Variants in DNAH3 observed in about 807,000 individuals in gnomAD.
DNAH3 encodes the protein axonemal beta dynein heavy chain 3.
In DNAH3, 332 loss-of-function variants were observed where a neutral mutation model predicts 432.5. That is an observed-to-expected ratio of 0.77 (90% CI 0.70 to 0.84). The LOEUF (loss-of-function observed/expected upper bound fraction) is 0.84, where lower values mean the gene tolerates loss of function less well. Ranked by LOEUF, DNAH3 falls within the 40% of genes least tolerant of loss-of-function variation. DNAH3 has a pLI of 0.00. For synonymous variants in DNAH3, 1,956 were observed against 1,900.2 expected (o/e 1.03, Z -0.76); for missense variants, 4,861 against 5,114.0 (o/e 0.95, Z 1.51).
chr16:21,153,707 C>T (rs1023260864), intron 1 of DNAH3, among the ~76,000 whole-genome samples: 9 of 152,226 alleles, frequency 5.9e-5, no homozygotes, highest in Non-Finnish European at 1.3e-4. Flanking sequence ...ACTCCGAACA[C>T]ATCCGAGCAT....
At chr16:21,021,784 T>C (rs1685938983) in intron 40 of DNAH3, among the ~76,000 whole-genome samples, 187 bp downstream of exon 40, 1 of 151,866 alleles carries the variant, frequency 6.6e-6, no homozygotes, top group African/African-American at 2.4e-5. Flanking sequence ...CGTAACTTAA[T>C]CCCAGCTACT....
intron 38 of DNAH3, among the ~76,000 whole-genome samples, chr16:21,026,048 C>T (rs183588623): frequency 4.9e-4 from 74 of 152,120 alleles, no homozygotes; most frequent in Admixed American, 3.2e-3. Flanking sequence ...ACCAATAACT[C>T]GATTAACAGG....
At chr16:21,067,373 G>A in exon 24 of DNAH3, 1 of 1,613,920 alleles carries the variant, frequency 6.2e-7, no homozygotes. Flanking sequence ...AAGCTTCTCT[G>A]CCATCCGTGG....
At chr16:20,984,401 T>C (rs2086084871) in intron 48 of DNAH3, among the ~76,000 whole-genome samples, 1 of 151,952 alleles carries the variant, frequency 6.6e-6, no homozygotes, top group Non-Finnish European at 1.5e-5. Context: ...AGAGTGGATA[T>C]GAGACAGCTG....
At chr16:21,013,719 C>CAAAAAAAAAAAAAAAAAAAAACAAAAAA (rs2087724142) in intron 41 of DNAH3, among the ~76,000 whole-genome samples, 2 of 47,418 alleles carry the variant, frequency 4.2e-5, no homozygotes, top group Non-Finnish European at 8.1e-5. Flanking sequence ...AACTCCATCT[C>CAAAAAAAAAAAAAAAAAAAAACAAAAAA]AAAAAAAAAA....
intron 41 of DNAH3, among the ~76,000 whole-genome samples, chr16:21,005,527 C>T (rs372454112): frequency 1.1e-4 from 17 of 152,130 alleles, no homozygotes; most frequent in South Asian, 4.2e-4. Flanking sequence ...CACAGGCACA[C>T]GCCACCGCAC....
intron 8 of DNAH3, among the ~76,000 whole-genome samples, chr16:21,126,561 C>T (rs116220528): frequency 2.5e-3 from 387 of 152,224 alleles, no homozygotes; most frequent in African/African-American, 7.4e-3. Context: ...ATCTTGAGGC[C>T]GTTTATCTGG....
chr16:21,050,858 G>A (rs898265610), intron 29 of DNAH3, among the ~76,000 whole-genome samples: 1 of 152,184 alleles, frequency 6.6e-6, no homozygotes, highest in African/African-American at 2.4e-5. Flanking sequence ...AATGAATGAT[G>A]TAATAACTGT....
chr16:20,946,086 AG>A (rs2084032500), intron 57 of DNAH3, among the ~76,000 whole-genome samples: 1 of 152,216 alleles, frequency 6.6e-6, no homozygotes, highest in Admixed American at 6.5e-5. Context: ...AGCCTGGTTC[AG>A]GCCATGACGG....
rs755226514 is a variant in DNAH3 at position 21,033,976 on chromosome 16, G to A, written c.5195C>T (p.Ala1732Val). The change falls in exon 36 of 62, where the codon GCA (alanine) becomes GTA (valine). Residue 1732 changes from alanine to valine, a missense_variant and splice_region_variant. Ala to Val is a moderately conservative substitution (Grantham distance 64). Coordinates refer to ENST00000261383, the Ensembl canonical transcript of DNAH3. Reference sequence around the variant, plus strand: ...GAAGCCAGGGATGTGAGCTTTACCTGCGTGTAAATCGCCGAGAGCTGCAGC... The same window carrying A: ...GAAGCCAGGGATGTGAGCTTTACCTACGTGTAAATCGCCGAGAGCTGCAGC... The A allele has an allele frequency of 2.4e-5, 39 of 1,612,354 alleles. 2 individuals are homozygous for A. The South Asian group carries it at 4.3e-4, about 18-fold the overall frequency.
At chr16:20,984,029 G>GAAAAAAAAAAAAAAAAAAAAAAAAAAA in intron 48 of DNAH3, among the ~76,000 whole-genome samples, 1 of 112,140 alleles carries the variant, frequency 8.9e-6, no homozygotes, top group African/African-American at 3.5e-5. Flanking sequence ...CCTATATCCA[G>GAAAAAAAAAAAAAAAAAAAAAAAAAAA]AAAAAAAAAA....
intron 37 of DNAH3, among the ~76,000 whole-genome samples, chr16:21,028,392 G>A (rs940083565): frequency 1.1e-4 from 16 of 151,534 alleles, no homozygotes; most frequent in South Asian, 4.2e-4. Context: ...ACAGTGGCTC[G>A]TGCCTGTGAT....
intron 23 of DNAH3, among the ~76,000 whole-genome samples, chr16:21,068,335 G>A (rs1427774297): frequency 8.9e-6 from 1 of 112,798 alleles, no homozygotes. Context: ...TGGGGGGGGG[G>A]ACAGAGTCTC....
In DNAH3 at chr16:21,100,350, G is replaced by T. The variant is rs189746833; in HGVS notation, c.2367-1581C>A. On this transcript the variant is annotated intron_variant, in intron 16 of 61. Transcript: ENST00000261383. ...GCCTCCCAAAGTGCTGGGATTACAA[G>T]CATGAGCCACATATTCCGGCCTCCA... is the stretch of plus-strand genomic sequence containing the variant. Among the ~76,000 whole-genome samples, 3 of 152,290 alleles carry T rather than the reference G, an allele frequency of 2.0e-5. No individual in the cohort carries two copies. The East Asian group carries it at 5.8e-4, about 29-fold the overall frequency.
At chr16:21,140,619 G>C in exon 5 of DNAH3, 1 of 1,614,034 alleles carries the variant, frequency 6.2e-7, no homozygotes. Context: ...TGCTGTTCTG[G>C]ACTCATTGGT....
At chr16:20,963,365 C>A (rs559479506) in exon 53 of DNAH3, 2 of 1,614,006 alleles carry the variant, frequency 1.2e-6, no homozygotes, top group Non-Finnish European at 1.7e-6. Context: ...CCCTGGAGAT[C>A]GAACGTAGGG....
chr16:21,008,409 C>T (rs2087422945), intron 41 of DNAH3, among the ~76,000 whole-genome samples: 4 of 152,088 alleles, frequency 2.6e-5, no homozygotes, highest in Non-Finnish European at 5.9e-5. Context: ...GCTCAGTTAC[C>T]CTTGCTGGAA....
intron 42 of DNAH3, among the ~76,000 whole-genome samples, chr16:21,002,017 G>T (rs1205541693): frequency 6.6e-6 from 1 of 152,140 alleles, no homozygotes; most frequent in Non-Finnish European, 1.5e-5. Context: ...TAGGACCTCA[G>T]TGCTGGGGGT....
At chr16:21,063,050 G>A (rs748970084) in intron 24 of DNAH3, 1 of 183,068 alleles carries the variant, frequency 5.5e-6, no homozygotes, top group Non-Finnish European at 1.1e-5. Context: ...AGAAGCGATG[G>A]TTTTGAGTCT....
Sources: gnomAD v4.1 joint callset for allele counts (sites outside exome capture counted in the v4.1 genomes callset) on GRCh38, gnomAD v4.1.1 for gene constraint, MANE v1.5 for transcripts, NCBI Gene and HGNC (gene_info 2026-07-23, HGNC 2026-07-21) for gene names.